Variants in LYN observed in about 807,000 individuals in gnomAD.
LYN encodes tyrosine-protein kinase Lyn.
LYN carries 12 observed loss-of-function variants against 65.0 expected under a neutral mutation model. That is an observed-to-expected ratio of 0.18 (90% CI 0.12 to 0.30). The LOEUF is 0.30. LYN is among the 10% of genes least tolerant of loss of function. The pLI is 1.00. For missense variants in LYN, 380 were observed against 623.2 expected, an observed-to-expected ratio of 0.61 and a Z score of 4.16; for synonymous variants, 222 against 221.2, an observed-to-expected ratio of 1.00 and a Z score of -0.03.
At chr8:55,972,013 G>A (rs970139022) in intron 10 of LYN, among the ~76,000 whole-genome samples, 1 of 152,116 alleles carries the variant, frequency 6.6e-6, no homozygotes, top group South Asian at 2.1e-4. Flanking sequence ...AGGGCCTGGG[G>A]GCAATCAAGG....
intron 10 of LYN, among the ~76,000 whole-genome samples, chr8:55,984,575 A>G (rs144811196): frequency 1.4e-4 from 22 of 152,302 alleles, no homozygotes; most frequent in Non-Finnish European, 2.1e-4. Flanking sequence ...AAGTAGATTC[A>G]CCTTCCTAAG....
In LYN at chr8:55,998,457, C is replaced by T; in HGVS notation, c.1162C>T (p.Leu388Phe). Residue 388 changes from leucine to phenylalanine, a missense_variant, in exon 11 of 13, where the codon CTT becomes TTT. Leu to Phe is a conservative substitution (Grantham distance 22). Around this residue, in one of 2 missense-constraint regions of LYN, gnomAD observed 223 missense variants for 430.0 expected, o/e 0.52. Coordinates refer to ENST00000519728, the MANE Select transcript of LYN (RefSeq NM_002350.4). ...SLMCKIADFG[L>F]ARVIEDNEYT... ...CATGTGCAAAATTGCAGATTTTGGC[C>T]TTGCTAGAGTAATTGAAGATAATGA... The T allele has an allele frequency of 6.2e-7, 1 of 1,614,000 alleles. No homozygotes were observed. Among genetic ancestry groups the T allele is most frequent in the Non-Finnish European group, 8.5e-7 (1 of 1,179,910 alleles).
rs185449503 is a variant in LYN at position 55,971,567 on chromosome 8, G to A, written c.1050+1774G>A. Among the ~76,000 whole-genome samples, 288 of 152,320 alleles carry A rather than the reference G, an allele frequency of 1.9e-3. 1 individual carries two copies. The highest frequency in any genetic ancestry group is 3.4e-3 in the Non-Finnish European group (231 of 68,034). On this transcript the variant is annotated intron_variant, in intron 10 of 12. Transcript: ENST00000519728. ...CTGGAGGGCCTGAGTGGTCACAGCC[G>A]TTCCATCTGCTGGGGGTCTGATCTG...
intron 12 of LYN, among the ~76,000 whole-genome samples, chr8:56,001,657 G>A (rs916236896): frequency 6.6e-6 from 1 of 152,102 alleles, no homozygotes; most frequent in South Asian, 2.1e-4. Context: ...TTTCTAATCA[G>A]CCCCAGTGTC....
At chr8:55,947,115 G>A (rs891183240) in intron 3 of LYN, among the ~76,000 whole-genome samples, 1 of 152,192 alleles carries the variant, frequency 6.6e-6, no homozygotes, top group Non-Finnish European at 1.5e-5. Context: ...CAGGCGTGGT[G>A]GTGGGCGCCT....
intron 10 of LYN, among the ~76,000 whole-genome samples, chr8:55,981,155 G>A (rs972935364): frequency 6.6e-5 from 10 of 152,080 alleles, no homozygotes; most frequent in Admixed American, 2.6e-4. Context: ...TCCTGGAAGC[G>A]CTCACCCTTT....
intron 1 of LYN, among the ~76,000 whole-genome samples, chr8:55,897,588 T>C (rs570298174): frequency 3.9e-4 from 60 of 152,152 alleles, no homozygotes; most frequent in South Asian, 1.5e-3. Context: ...AAATCTTTAG[T>C]AATGGGATAT....
chr8:55,977,937 A>C (rs1044469854), intron 10 of LYN, among the ~76,000 whole-genome samples: 2 of 152,074 alleles, frequency 1.3e-5, no homozygotes, highest in African/African-American at 4.8e-5. Flanking sequence ...ACAAAACAAA[A>C]GCAAACAGAG....
intron 2 of LYN, among the ~76,000 whole-genome samples, chr8:55,945,891 A>G (rs1806761668): frequency 6.6e-6 from 1 of 152,228 alleles, no homozygotes; most frequent in African/African-American, 2.4e-5. Context: ...GGGCAGTCCC[A>G]GGCTGGGACG....
chr8:55,968,669 C>G (rs544971089), intron 9 of LYN, among the ~76,000 whole-genome samples: 3 of 152,214 alleles, frequency 2.0e-5, no homozygotes, highest in Non-Finnish European at 4.4e-5. Context: ...TACTATTGTT[C>G]TGTGTCATAG....
chr8:55,900,130 C>T (rs1199435753), intron 1 of LYN, among the ~76,000 whole-genome samples: 2 of 152,088 alleles, frequency 1.3e-5, no homozygotes, highest in Non-Finnish European at 2.9e-5. Flanking sequence ...GTCAGCAAGG[C>T]CAAAACAAGA....
intron 1 of LYN, among the ~76,000 whole-genome samples, chr8:55,922,593 C>A (rs2130435482): frequency 6.6e-6 from 1 of 152,034 alleles, no homozygotes; most frequent in East Asian, 1.9e-4. Flanking sequence ...CATGGTGAAA[C>A]CCCATTTCAA....
intron 1 of LYN, among the ~76,000 whole-genome samples, chr8:55,898,058 A>T (rs1157745345): frequency 6.6e-6 from 1 of 152,100 alleles, no homozygotes; most frequent in Non-Finnish European, 1.5e-5. Flanking sequence ...AGCTCTATGA[A>T]TTTTAATACA....
At chr8:55,960,213 A>G (rs1428439783) in intron 8 of LYN, among the ~76,000 whole-genome samples, 1 of 152,236 alleles carries the variant, frequency 6.6e-6, no homozygotes, top group Admixed American at 6.5e-5. Flanking sequence ...AAGAAATGAT[A>G]CAGAGAGATC....
chr8:55,885,569 A>G (rs1389169265), intron 1 of LYN, among the ~76,000 whole-genome samples: 1 of 152,028 alleles, frequency 6.6e-6, no homozygotes, highest in Non-Finnish European at 1.5e-5. Context: ...GACTGGAGAG[A>G]TGGGTGTGTA....
At chr8:55,950,652 A>T (rs1806915538) in intron 5 of LYN, 29 bp from the exon 6 acceptor site, 5 of 1,580,034 alleles carry the variant, frequency 3.2e-6, no homozygotes, top group Non-Finnish European at 4.4e-6. Flanking sequence ...GGAACATAAT[A>T]TGCAGGAAAT....
chr8:56,010,413 A>T lies in LYN; in HGVS notation c.*303A>T, dbSNP rs144507495. On this transcript the variant is annotated 3_prime_UTR_variant, in exon 13 of 13. Transcript: ENST00000519728. ...AAACATCTATTCTCTCCAAAAATGC[A>T]CCCAACTAGCTCTATGTTTACAAAT... 5 of 396,978 alleles carry T rather than the reference A, an allele frequency of 1.3e-5. No individual in the cohort carries two copies. Among genetic ancestry groups the T allele is most frequent in the Non-Finnish European group, 2.3e-5 (5 of 213,234 alleles). 24.6% of individuals were successfully genotyped at this position (396,978 alleles called of 1,614,324 possible). A position where few individuals can be genotyped will look rare whatever the true frequency, so the allele number is the denominator to read the frequency against.
chr8:55,989,139 C>T (rs1443861431), intron 10 of LYN, among the ~76,000 whole-genome samples: 1 of 152,234 alleles, frequency 6.6e-6, no homozygotes, highest in Non-Finnish European at 1.5e-5. Context: ...GGCTCAGAGC[C>T]TGCGCCTCGG....
intron 1 of LYN, among the ~76,000 whole-genome samples, chr8:55,938,055 A>G (rs1030406579): frequency 6.6e-6 from 1 of 152,198 alleles, no homozygotes; most frequent in Non-Finnish European, 1.5e-5. Flanking sequence ...AATAAAATAA[A>G]AGAGGGATTA....
Sources: allele counts gnomAD v4.1 joint callset (sites outside exome capture counted in the v4.1 genomes callset), GRCh38; gene constraint gnomAD v4.1.1; regional missense constraint gnomAD v4.1.1; transcripts MANE v1.5; gene names NCBI Gene and HGNC (gene_info 2026-07-23, HGNC 2026-07-21).